The following GABRG3 variants were observed in gnomAD, a reference collection of about 807,000 sequenced individuals.
GABRG3 encodes gamma-aminobutyric acid type A receptor subunit gamma3, also known as gamma-aminobutyric acid receptor subunit gamma-3.
GABRG3 carries 25 observed loss-of-function variants against 48.8 expected under a neutral mutation model. The observed-to-expected ratio is 0.51, with a 90% CI of 0.37 to 0.72. The LOEUF (loss-of-function observed/expected upper bound fraction) is 0.72, where lower values mean the gene tolerates loss of function less well. Among genes scored for constraint, GABRG3 ranks in the 30% least tolerant of loss-of-function variants. The pLI is 0.00. For missense variants in GABRG3, 394 were observed against 577.9 expected (o/e 0.68, Z 3.26); for synonymous variants, 227 against 217.6 (o/e 1.04, Z -0.38).
At chr15:27,218,084 G>A (rs1023703849) in intron 3 of GABRG3, among the ~76,000 whole-genome samples, 12 of 152,228 alleles carry the variant, frequency 7.9e-5, no homozygotes, top group Admixed American at 2.6e-4. Context: ...ATTACAGCTC[G>A]CTGTAGCCTC....
At chr15:27,042,691 G>A (rs1171989078) in intron 3 of GABRG3, among the ~76,000 whole-genome samples, 1 of 152,244 alleles carries the variant, frequency 6.6e-6, no homozygotes, top group Admixed American at 6.5e-5. Context: ...CGGTGCCTGG[G>A]TGTCAGTCTC....
intron 3 of GABRG3, among the ~76,000 whole-genome samples, chr15:27,103,612 T>G (rs1479176900): frequency 1.3e-5 from 2 of 152,156 alleles, no homozygotes; most frequent in Middle Eastern, 3.2e-3. Context: ...CTTTAAGTGT[T>G]TTTTCACTTT....
chr15:27,205,526 T>C (rs1216266989), intron 3 of GABRG3, among the ~76,000 whole-genome samples: 6 of 151,986 alleles, frequency 3.9e-5, no homozygotes, highest in Admixed American at 2.6e-4. Flanking sequence ...TTTTTGTTGT[T>C]GTTGCTGTAT....
intron 9 of GABRG3, among the ~76,000 whole-genome samples, chr15:27,529,831 GA>G (rs56274947): frequency 1 from 148,514 of 148,908 alleles, 74,060 homozygotes; most frequent in East Asian, 1. Context: ...GCCAAAAGAA[GA>G]AAAAAAATCC....
At chr15:27,442,325 G>A (rs927050209) in intron 5 of GABRG3, among the ~76,000 whole-genome samples, 2 of 152,228 alleles carry the variant, frequency 1.3e-5, no homozygotes, top group African/African-American at 4.8e-5. Flanking sequence ...CAAGAGGGAT[G>A]CACTCCATAC....
At chr15:27,147,678 A>G (rs1419948067) in intron 3 of GABRG3, among the ~76,000 whole-genome samples, 1 of 152,068 alleles carries the variant, frequency 6.6e-6, no homozygotes, top group East Asian at 1.9e-4. Context: ...AGAAATTTGG[A>G]GAATTCACAA....
chr15:27,284,657 C>A (rs538894048), intron 3 of GABRG3, among the ~76,000 whole-genome samples: 1 of 152,068 alleles, frequency 6.6e-6, no homozygotes, highest in Non-Finnish European at 1.5e-5. Context: ...CCTCAGAGTC[C>A]AGATAAGCAA....
chr15:27,113,510 T>A (rs1897590571), intron 3 of GABRG3, among the ~76,000 whole-genome samples: 1 of 152,134 alleles, frequency 6.6e-6, no homozygotes, highest in Non-Finnish European at 1.5e-5. Flanking sequence ...GGGGTGATGC[T>A]CTGGTCATTG....
intron 5 of GABRG3, among the ~76,000 whole-genome samples, chr15:27,404,219 T>C (rs1446261551): frequency 6.6e-6 from 1 of 152,132 alleles, no homozygotes; most frequent in Non-Finnish European, 1.5e-5. Context: ...AGACTCCGTC[T>C]GAAGAAAAAA....
chr15:27,149,220 TAA>T (rs941891188), intron 3 of GABRG3, among the ~76,000 whole-genome samples: 1 of 152,036 alleles, frequency 6.6e-6, no homozygotes, highest in Non-Finnish European at 1.5e-5. Flanking sequence ...CACTGAAAAT[TAA>T]GAGAATAATT....
intron 3 of GABRG3, among the ~76,000 whole-genome samples, chr15:27,053,984 G>A (rs76645943): frequency 1.6e-4 from 25 of 152,188 alleles, no homozygotes; most frequent in South Asian, 2.1e-4. Flanking sequence ...GGGAGGGGCC[G>A]GGTGTGGCGG....
At chr15:27,193,362 T>G (rs1030713413) in intron 3 of GABRG3, among the ~76,000 whole-genome samples, 2 of 152,072 alleles carry the variant, frequency 1.3e-5, no homozygotes, top group East Asian at 1.9e-4. Context: ...TGAGCTGTGG[T>G]GGGCTCCACC....
At chr15:27,145,871 A>G (rs1359276036) in intron 3 of GABRG3, among the ~76,000 whole-genome samples, 1 of 152,120 alleles carries the variant, frequency 6.6e-6, no homozygotes, top group African/African-American at 2.4e-5. Context: ...AAAGAGAAGC[A>G]GCTCATCATG....
intron 5 of GABRG3, among the ~76,000 whole-genome samples, chr15:27,471,145 G>T (rs776441860): frequency 6.6e-6 from 1 of 152,134 alleles, no homozygotes; most frequent in African/African-American, 2.4e-5. Flanking sequence ...GATCGTTTAG[G>T]GGGTGGGGGC....
At chr15:27,079,484 C>A (rs556307665) in intron 3 of GABRG3, among the ~76,000 whole-genome samples, 1 of 151,990 alleles carries the variant, frequency 6.6e-6, no homozygotes, top group Non-Finnish European at 1.5e-5. Context: ...TAGAAGATGC[C>A]GTGTGGAGTG....
Position 27,534,486 on chromosome 15 carries a change from A to T in GABRG3, c.*1605A>T. On this transcript the variant is annotated 3_prime_UTR_variant, in exon 10 of 10. Coordinates refer to ENST00000615808, the MANE Select transcript of GABRG3 (RefSeq NM_033223.5). Reference sequence around the variant, plus strand: ...CACAAGTCCTACCAGTTAGTTAATAATGCTTTGGCATTGTTAAAATTTGAA... The same window carrying T: ...CACAAGTCCTACCAGTTAGTTAATATTGCTTTGGCATTGTTAAAATTTGAA... The T allele has an allele frequency of 6.6e-6, 1 of 152,204 alleles. No individual in the cohort carries two copies. Among genetic ancestry groups the T allele is most frequent in the East Asian group, 1.9e-4 (1 of 5,198 alleles). 9.4% of individuals were successfully genotyped at this position (152,204 alleles called of 1,614,324 possible).
At chr15:27,278,752 A>G (rs559841726) in intron 3 of GABRG3, among the ~76,000 whole-genome samples, 1 of 152,332 alleles carries the variant, frequency 6.6e-6, no homozygotes, top group South Asian at 2.1e-4. Flanking sequence ...GCTGCTGTGT[A>G]TAGGTTTTTG....
At chr15:27,285,286 T>C (rs1033415299) in intron 3 of GABRG3, among the ~76,000 whole-genome samples, 115 of 146,802 alleles carry the variant, frequency 7.8e-4, no homozygotes, top group African/African-American at 3.0e-3. Context: ...TGTGTGTGTG[T>C]GTGTGTGTGT....
intron 3 of GABRG3, among the ~76,000 whole-genome samples, chr15:27,209,464 G>A (rs746122888): frequency 6.6e-6 from 1 of 151,288 alleles, no homozygotes; most frequent in Non-Finnish European, 1.5e-5. Context: ...ATCCCGGCCC[G>A]GCCGGTGCTT....
Sources: allele counts gnomAD v4.1 joint callset (sites outside exome capture counted in the v4.1 genomes callset), GRCh38; gene constraint gnomAD v4.1.1; transcripts MANE v1.5; gene names NCBI Gene and HGNC (gene_info 2026-07-23, HGNC 2026-07-21).